The following MIGA1 variants were observed in gnomAD, a reference collection of about 807,000 sequenced individuals.
MIGA1 encodes family with sequence similarity 73, member A.
MIGA1 carries 58 observed loss-of-function variants against 82.0 expected under a neutral mutation model. The observed-to-expected ratio is 0.71, with a 90% CI of 0.57 to 0.88. MIGA1 has a LOEUF of 0.88. Ranked by LOEUF, MIGA1 falls within the 40% of genes least tolerant of loss-of-function variation. The pLI is 0.00. For synonymous variants in MIGA1, 249 were observed against 253.6 expected, an observed-to-expected ratio of 0.98 and a Z score of 0.17; for missense variants, 751 against 749.1, an observed-to-expected ratio of 1.00 and a Z score of -0.03.
At chr1:77,811,355 C>T (rs999403068) in intron 5 of MIGA1, 15 of 1,607,254 alleles carry the variant, frequency 9.3e-6, no homozygotes, top group Non-Finnish European at 1.3e-5. Context: ...TCAGGAGACC[C>T]TGCTCCAGCA....
chr1:77,848,137 G>T (rs768575481), intron 8 of MIGA1: 15 of 1,358,524 alleles, frequency 1.1e-5, no homozygotes, highest in Non-Finnish European at 1.6e-5. Context: ...TACACTGACC[G>T]TGATTACCAG....
At chr1:77,807,180 C>CCCTGTCTGTCTCAATAA in intron 5 of MIGA1, 79 bp downstream of exon 5, 1 of 1,153,508 alleles carries the variant, frequency 8.7e-7, no homozygotes, top group Non-Finnish European at 1.2e-6. Context: ...TTTATTGAGA[C>CCCTGTCTGTCTCAATAA]AGACAGGGTC....
At chr1:77,862,551 G>A (rs535807361) in intron 12 of MIGA1, among the ~76,000 whole-genome samples, 2 of 152,312 alleles carry the variant, frequency 1.3e-5, no homozygotes, top group South Asian at 4.1e-4. Context: ...AGGAGTTTAA[G>A]ACCAGCCTGA....
chr1:77,848,026 A>G, intron 8 of MIGA1: 2 of 1,261,392 alleles, frequency 1.6e-6, no homozygotes, highest in Non-Finnish European at 2.3e-6. Context: ...GAAAGAGGGC[A>G]CAGTGCCAGA....
chr1:77,843,062 C>T (rs2101889467), intron 7 of MIGA1, among the ~76,000 whole-genome samples: 1 of 152,214 alleles, frequency 6.6e-6, no homozygotes, highest in African/African-American at 2.4e-5. Context: ...TACTAAAAAG[C>T]CCTTTTAATA....
At chr1:77,870,773 C>T (rs1192356551) in intron 14 of MIGA1, among the ~76,000 whole-genome samples, 3 of 150,718 alleles carry the variant, frequency 2.0e-5, no homozygotes, top group African/African-American at 7.3e-5. Flanking sequence ...GATCACGCCA[C>T]TGCACTCCAG....
chr1:77,851,608 TA>T (rs1685053193), intron 8 of MIGA1, among the ~76,000 whole-genome samples: 1 of 152,222 alleles, frequency 6.6e-6, no homozygotes, highest in East Asian at 1.9e-4. Flanking sequence ...ATTAATGATT[TA>T]AATAAATGTT....
chr1:77,864,044 C>T lies in MIGA1; in HGVS notation c.1509+16C>T, dbSNP rs1685568085. The T allele has an allele frequency of 6.2e-7, 1 of 1,601,236 alleles. No homozygotes were observed. The highest frequency in any genetic ancestry group is 1.1e-5 in the South Asian group (1 of 88,164). ...CAAAGAAACAGTAAGTGGTGGTTAACCTTTCTCAGCCTTTTAAGTTTGATT... is the reference window on the plus strand; with the variant it reads ...CAAAGAAACAGTAAGTGGTGGTTAATCTTTCTCAGCCTTTTAAGTTTGATT... On this transcript the variant is annotated intron_variant, in intron 13 of 15. Coordinates refer to ENST00000370791, the MANE Select transcript of MIGA1 (RefSeq NM_198549.4).
At chr1:77,844,111 A>ATAT (rs1333128709) in intron 8 of MIGA1, among the ~76,000 whole-genome samples, 53 of 53,768 alleles carry the variant, frequency 9.9e-4, no homozygotes, top group African/African-American at 2.4e-3. Context: ...AAAAAAAAAA[A>ATAT]AAATATATAT....
chr1:77,848,340 C>T, intron 8 of MIGA1: 1 of 1,250,538 alleles, frequency 8.0e-7, no homozygotes, highest in Non-Finnish European at 1.1e-6. Flanking sequence ...TCAGAACCGA[C>T]ACAGTGAGAA....
chr1:77,844,401 A>G (rs1302331871), intron 8 of MIGA1, among the ~76,000 whole-genome samples: 1 of 151,954 alleles, frequency 6.6e-6, no homozygotes, highest in Admixed American at 6.6e-5. Context: ...AAAGGAAACA[A>G]ACGTGCGTGA....
chr1:77,863,807 C>T, intron 12 of MIGA1, 87 bp from the exon 13 acceptor site: 1 of 921,214 alleles, frequency 1.1e-6, no homozygotes, highest in South Asian at 2.3e-5. Context: ...AAAACCCCTG[C>T]TGTTATAAAA....
chr1:77,815,104 G>T lies in MIGA1; in HGVS notation c.772-4G>T. 1.9e-6 allele frequency: 3 copies of T among 1,543,842 alleles called. No homozygotes were observed. Among genetic ancestry groups the T allele is most frequent in the Admixed American group, 1.9e-5 (1 of 52,354 alleles). The stretch of plus-strand genomic sequence containing the variant: ...TGTTCTGTGTACTTTTTCTCTCCTT[G>T]TAGGATATTATTAGTACTGAATTTA... On this transcript the variant is annotated splice_polypyrimidine_tract_variant and splice_region_variant and intron_variant, in intron 6 of 15. Coordinates refer to ENST00000370791, the MANE Select transcript of MIGA1 (RefSeq NM_198549.4).
chr1:77,857,883 T>A (rs552167735), intron 8 of MIGA1, among the ~76,000 whole-genome samples: 3 of 152,160 alleles, frequency 2.0e-5, no homozygotes, highest in Non-Finnish European at 2.9e-5. Context: ...AAGCTACATA[T>A]AAGGAAATAT....
At chr1:77,849,811 T>TGATC (rs1383865110) in intron 8 of MIGA1, among the ~76,000 whole-genome samples, 1 of 151,372 alleles carries the variant, frequency 6.6e-6, no homozygotes, top group Non-Finnish European at 1.5e-5. Context: ...CCGAGATGGG[T>TGATC]GATCACCTGA....
intron 7 of MIGA1, among the ~76,000 whole-genome samples, chr1:77,842,849 G>T (rs1259870794): frequency 6.6e-6 from 1 of 152,150 alleles, no homozygotes; most frequent in Non-Finnish European, 1.5e-5. Flanking sequence ...GCCGTGAATT[G>T]TTTTAATTGA....
At chr1:77,847,726 C>T in intron 8 of MIGA1, 1 of 1,584,594 alleles carries the variant, frequency 6.3e-7, no homozygotes, top group Non-Finnish European at 8.7e-7. Context: ...GAGGAAGTAC[C>T]TAAATGCAGC....
chr1:77,789,187 G>T (rs1335092670), intron 2 of MIGA1, among the ~76,000 whole-genome samples: 3 of 146,404 alleles, frequency 2.0e-5, no homozygotes, highest in Non-Finnish European at 4.5e-5. Context: ...AAATGGAATT[G>T]TGGGGGGCGG....
rs1251636103 is a variant in MIGA1, at chr1:77,869,314, C to T, written c.1563+2923C>T. 3.1e-4 allele frequency among the ~76,000 whole-genome samples: 45 copies of T among 144,648 alleles called. No homozygotes were observed. In the East Asian group the frequency reaches 9.0e-3, roughly 29 times the overall value. The allele number at this position is 144,648 out of a possible 152,430, so 94.9% of individuals were successfully genotyped here. On this transcript the variant is annotated intron_variant, in intron 14 of 15. Coordinates refer to ENST00000370791, the MANE Select transcript of MIGA1 (RefSeq NM_198549.4). ...CAGAAGAATTTTTCTTAGTACAGAACAAAATGAAAAGTCTCCCATGTCTAC... is the reference window on the plus strand; with the variant it reads ...CAGAAGAATTTTTCTTAGTACAGAATAAAATGAAAAGTCTCCCATGTCTAC...
Sources: gnomAD v4.1 joint callset for allele counts (sites outside exome capture counted in the v4.1 genomes callset) on GRCh38, gnomAD v4.1.1 for gene constraint, MANE v1.5 for transcripts, NCBI Gene and HGNC (gene_info 2026-07-23, HGNC 2026-07-21) for gene names.